CDC20B: variants seen among roughly 807,000 people sequenced by gnomAD.
CDC20B encodes the protein cell division cycle 20B.
A neutral mutation model predicts 64.1 loss-of-function variants in CDC20B; 58 were observed. The ratio of observed to expected loss-of-function variants is 0.90; its 90% CI spans 0.73 to 1.13. The LOEUF is 1.13. Ranked by LOEUF, CDC20B falls within the 50% of genes most tolerant of loss-of-function variation. CDC20B has a pLI of 0.00. For missense variants in CDC20B, 597 were observed against 633.0 expected (o/e 0.94, Z 0.61); for synonymous variants, 243 against 230.6 (o/e 1.05, Z -0.49).
intron 2 of CDC20B, among the ~76,000 whole-genome samples, chr5:55,157,224 A>C (rs1176516817): frequency 6.6e-6 from 1 of 152,178 alleles, no homozygotes; most frequent in Non-Finnish European, 1.5e-5. Flanking sequence ...TGCCATTTTG[A>C]TATATGTATA....
rs576106469 is a variant in CDC20B at position 55,127,288 on chromosome 5, C to T, written c.958G>A (p.Ala320Thr). 2 of 1,614,100 alleles carry T rather than the reference C, an allele frequency of 1.2e-6. No homozygotes were observed. The highest frequency in any genetic ancestry group is 2.2e-5 in the East Asian group (1 of 44,874). The part of the protein sequence containing the change: ...NMLGHLSVVG[A>T]LSWNHFILSS... The stretch of plus-strand genomic sequence containing the variant: ...AGGATAAAGTGATTCCAGCTCAGAG[C>T]CCCAACTACTGACAAATGACCAAGC... Residue 320 changes from alanine (A) to threonine (T), a missense_variant, in exon 8 of 12, where the codon GCT (alanine) becomes ACT (threonine). Transcript: ENST00000381375.
intron 9 of CDC20B, 66 bp from the exon 10 acceptor site, chr5:55,120,616 G>T: frequency 6.3e-7 from 1 of 1,588,556 alleles, no homozygotes; most frequent in Non-Finnish European, 8.6e-7. Flanking sequence ...TGAATGTGAT[G>T]CACTTAGGTA....
At chr5:55,122,560 C>T (rs1742784719) in intron 9 of CDC20B, among the ~76,000 whole-genome samples, 1 of 152,212 alleles carries the variant, frequency 6.6e-6, no homozygotes, top group Admixed American at 6.5e-5. Context: ...CAATCTAATT[C>T]CTCTACCTTT....
chr5:55,162,277 TC>T (rs1235328023), intron 2 of CDC20B, among the ~76,000 whole-genome samples: 1 of 152,042 alleles, frequency 6.6e-6, no homozygotes, highest in Non-Finnish European at 1.5e-5. Context: ...GCACCTGTAA[TC>T]CCAGCTATTC....
At chr5:55,140,270 G>C in intron 5 of CDC20B, 44 bp downstream of exon 5, 1 of 1,148,304 alleles carries the variant, frequency 8.7e-7, no homozygotes, top group Non-Finnish European at 1.3e-6. Flanking sequence ...AGGAGGCAGA[G>C]AGAGAGGAGC....
Position 55,114,302 on chromosome 5 carries a change from C to T in CDC20B, c.1476G>A (p.Val492=). The part of the protein sequence containing the change: ...SGGFFGHRGR[V]LHLSLSPDQT... ...GGTCTGGACTCAAAGACAGGTGCAG[C>T]ACTCTGCCCCTGTGGCCTGGGGGAA... Residue 492 remains valine (V), a synonymous_variant, in exon 12 of 12, where the codon GTG becomes GTA. Coordinates refer to ENST00000381375, the MANE Select transcript of CDC20B (RefSeq NM_001170402.1). The surrounding 1 kb of genome is among the most constrained non-coding windows in gnomAD (Gnocchi z 4.1). 6.2e-7 allele frequency: 1 copy of T among 1,613,790 alleles called. No individual in the cohort carries two copies. The highest frequency in any genetic ancestry group is 8.5e-7 in the Non-Finnish European group (1 of 1,179,794).
chr5:55,160,436 C>G, intron 2 of CDC20B: 1 of 1,524,142 alleles, frequency 6.6e-7, no homozygotes, highest in African/African-American at 1.4e-5. Flanking sequence ...ATCATTTTTC[C>G]TTGTCTCTGT....
chr5:55,122,566 C>T (rs754613277), intron 9 of CDC20B, among the ~76,000 whole-genome samples: 1 of 152,218 alleles, frequency 6.6e-6, no homozygotes, highest in African/African-American at 2.4e-5. Context: ...AATTCCTCTA[C>T]CTTTGAATGT....
At chr5:55,115,557 A>G (rs967819782) in intron 11 of CDC20B, among the ~76,000 whole-genome samples, 9 of 152,206 alleles carry the variant, frequency 5.9e-5, no homozygotes, top group Non-Finnish European at 1.3e-4. Flanking sequence ...AAATAGGTGA[A>G]GCTGACTCTA....
chr5:55,148,575 G>C (rs1057418296), intron 2 of CDC20B, among the ~76,000 whole-genome samples: 1 of 152,148 alleles, frequency 6.6e-6, no homozygotes, highest in African/African-American at 2.4e-5. Flanking sequence ...TGAGTTGAGC[G>C]TGGTGGTGTG....
chr5:55,128,347 C>T, intron 7 of CDC20B, 74 bp downstream of exon 7: 1 of 1,176,592 alleles, frequency 8.5e-7, no homozygotes, highest in Non-Finnish European at 1.2e-6. Context: ...TTTACATTAA[C>T]TTGTTATTAA....
Position 55,112,983 on chromosome 5 carries a change from A to C in CDC20B, c.*1235T>G, listed in dbSNP as rs945561523. On this transcript the variant is annotated 3_prime_UTR_variant, in exon 12 of 12. Coordinates refer to ENST00000381375, the MANE Select transcript of CDC20B (RefSeq NM_001170402.1). Reference sequence around the variant, plus strand: ...ACAACCAACGATTCAAACAGTAATAAAAGATTTTTTTAAACAGCTATAATA... The same window carrying C: ...ACAACCAACGATTCAAACAGTAATACAAGATTTTTTTAAACAGCTATAATA... 1.2e-4 allele frequency: 19 copies of C among 152,338 alleles called. No individual in the cohort carries two copies. Among genetic ancestry groups the C allele is most frequent in the African/African-American group, 4.1e-4 (17 of 41,588 alleles). The allele number at this position is 152,338 out of a possible 1,614,324, so 9.4% of individuals were successfully genotyped here. A position where few individuals can be genotyped will look rare whatever the true frequency, so the allele number is the denominator to read the frequency against.
chr5:55,143,521 T>C lies in CDC20B; in HGVS notation c.478A>G (p.Lys160Glu), dbSNP rs1743387601. Residue 160 changes from lysine (K) to glutamate (E), a missense_variant, in exon 4 of 12, where the codon AAA (lysine) becomes GAA (glutamate). Transcript: ENST00000381375. The stretch of plus-strand genomic sequence containing the variant: ...TTTTTCTCTTTACCTACCTGCCCTT[T>C]TGAGGCAACACTTTCTTTCCAGTCT... Reference protein sequence around the residue: ...DRDWKESVASKGQKCLKQLFV... With the variant: ...DRDWKESVASEGQKCLKQLFV... 6.3e-7 allele frequency: 1 copy of C among 1,598,798 alleles called. No homozygotes were observed. Among genetic ancestry groups the C allele is most frequent in the African/African-American group, 1.3e-5 (1 of 74,312 alleles).
Position 55,150,047 on chromosome 5 carries a change from G to A in CDC20B, c.127-3191C>T, listed in dbSNP as rs188051735. ...TACTTGGGAGGCTGACAAGAGAATCGCTTGAACCCAGGAGGCAGAGGTTGC... is the reference window on the plus strand; with the variant it reads ...TACTTGGGAGGCTGACAAGAGAATCACTTGAACCCAGGAGGCAGAGGTTGC... On this transcript the variant is annotated intron_variant, in intron 2 of 11. Coordinates refer to ENST00000381375, the MANE Select transcript of CDC20B (RefSeq NM_001170402.1). Among the ~76,000 whole-genome samples the A allele has an allele frequency of 1.6e-3, 248 of 152,136 alleles. 3 individuals carry two copies. Among genetic ancestry groups the A allele is most frequent in the Non-Finnish European group, 1.5e-3 (100 of 68,000 alleles).
At chr5:55,150,152 T>G (rs1287651790) in intron 2 of CDC20B, among the ~76,000 whole-genome samples, 1 of 152,082 alleles carries the variant, frequency 6.6e-6, no homozygotes, top group African/African-American at 2.4e-5. Flanking sequence ...AATAAAAAAT[T>G]AAAAAATAAA....
At chr5:55,131,740 T>C (rs1266221529) in intron 6 of CDC20B, among the ~76,000 whole-genome samples, 2 of 152,198 alleles carry the variant, frequency 1.3e-5, no homozygotes, top group Non-Finnish European at 2.9e-5. Context: ...AAAGATCTTT[T>C]GAAAGTTGTA....
At chr5:55,148,556 A>T (rs1743567812) in intron 2 of CDC20B, among the ~76,000 whole-genome samples, 1 of 152,196 alleles carries the variant, frequency 6.6e-6, no homozygotes, top group African/African-American at 2.4e-5. Flanking sequence ...TCTACAAAAA[A>T]TACAAGAATG....
At chr5:55,172,457 T>A in intron 2 of CDC20B, 131 bp downstream of exon 2, 1 of 670,278 alleles carries the variant, frequency 1.5e-6, no homozygotes, top group Non-Finnish European at 2.6e-6. Context: ...TTTTTTTTAG[T>A]ATGTAATAAG....
chr5:55,143,539 T>C lies in CDC20B; in HGVS notation c.460A>G (p.Lys154Glu). ...TGCCCTTTTGAGGCAACACTTTCTT[T>C]CCAGTCTCTGTCCATTGCATGAGGT... is the stretch of plus-strand genomic sequence containing the variant. ...KAPHAMDRDW[K>E]ESVASKGQKC... Residue 154 changes from lysine (K) to glutamate (E), a missense_variant, in exon 4 of 12, where the codon AAA (lysine) becomes GAA (glutamate). Lys to Glu is a moderately conservative substitution (Grantham distance 56, BLOSUM62 1). This residue lies in a region of CDC20B where 241 missense variants were observed against 219.2 expected (regional missense o/e 1.10). Coordinates refer to ENST00000381375, the MANE Select transcript of CDC20B (RefSeq NM_001170402.1). 1 of 1,605,564 alleles carries C rather than the reference T, an allele frequency of 6.2e-7. No homozygotes were observed. The highest frequency in any genetic ancestry group is 1.7e-5 in the Admixed American group (1 of 58,644).
Sources: allele counts gnomAD v4.1 joint callset (sites outside exome capture counted in the v4.1 genomes callset), GRCh38; gene constraint gnomAD v4.1.1; regional missense constraint gnomAD v4.1.1; non-coding constraint Gnocchi (gnomAD v3.1); transcripts MANE v1.5; gene names NCBI Gene and HGNC (gene_info 2026-07-23, HGNC 2026-07-21).